The following COL24A1 variants were observed in gnomAD, a reference collection of about 807,000 sequenced individuals.
COL24A1 encodes collagen alpha-1(XXIV) chain.
COL24A1 carries 224 observed loss-of-function variants against 253.9 expected under a neutral mutation model. That is an observed-to-expected ratio of 0.88 (90% CI 0.79 to 0.99). The LOEUF (loss-of-function observed/expected upper bound fraction) is 0.99, where lower values mean the gene tolerates loss of function less well. Among genes scored for constraint, COL24A1 ranks in the 50% least tolerant of loss-of-function variants. The pLI is 0.00. For synonymous variants in COL24A1, 685 were observed against 673.7 expected (o/e 1.02, Z -0.26); for missense variants, 2,131 against 2,068.5 (o/e 1.03, Z -0.59).
chr1:85,843,896 A>T (rs774705123), intron 39 of COL24A1, among the ~76,000 whole-genome samples: 4 of 152,174 alleles, frequency 2.6e-5, no homozygotes, highest in Non-Finnish European at 4.4e-5. Context: ...AGAAAAAATG[A>T]ACCTTAATGT....
chr1:86,119,598 A>G (rs1199677261), intron 3 of COL24A1, among the ~76,000 whole-genome samples: 3 of 152,182 alleles, frequency 2.0e-5, no homozygotes, highest in Admixed American at 1.3e-4. Flanking sequence ...TGAACATGAG[A>G]CGACACATGC....
At chr1:85,889,488 C>T in intron 32 of COL24A1, 72 bp downstream of exon 32, 2 of 1,287,446 alleles carry the variant, frequency 1.6e-6, no homozygotes, top group South Asian at 1.2e-5. Context: ...CACAGCACAG[C>T]AGAGCAATAA....
intron 37 of COL24A1, among the ~76,000 whole-genome samples, chr1:85,859,760 C>A (rs770235482): frequency 4.6e-5 from 7 of 152,150 alleles, no homozygotes; most frequent in Non-Finnish European, 1.0e-4. Flanking sequence ...GTTTGCAGGG[C>A]ATATAGGAAA....
intron 8 of COL24A1, among the ~76,000 whole-genome samples, chr1:86,059,989 A>G (rs374793651): frequency 6.6e-5 from 10 of 152,196 alleles, no homozygotes; most frequent in African/African-American, 1.4e-4. Context: ...GTTGTTTATA[A>G]GCCACCCAGT....
chr1:85,841,920 A>G, intron 41 of COL24A1, 148 bp downstream of exon 41: 3 of 615,680 alleles, frequency 4.9e-6, no homozygotes, highest in Non-Finnish European at 8.6e-6. Flanking sequence ...GCTCCTTGAT[A>G]TTTATTTTTT....
At chr1:85,937,969 A>G (rs1297560833) in intron 24 of COL24A1, among the ~76,000 whole-genome samples, 2 of 147,506 alleles carry the variant, frequency 1.4e-5, no homozygotes, top group Non-Finnish European at 3.0e-5. Context: ...TTATGCAAAC[A>G]GTGCAGAAGT....
At chr1:85,869,666 C>G (rs566463839) in intron 35 of COL24A1, among the ~76,000 whole-genome samples, 1 of 152,100 alleles carries the variant, frequency 6.6e-6, no homozygotes, top group African/African-American at 2.4e-5. Flanking sequence ...TTGTCACCAC[C>G]AGGCCTGCCC....
intron 37 of COL24A1, among the ~76,000 whole-genome samples, chr1:85,859,162 C>A (rs1025431122): frequency 2.0e-5 from 3 of 152,064 alleles, no homozygotes; most frequent in African/African-American, 7.2e-5. Flanking sequence ...TTGTTCACTG[C>A]TGTAACATTA....
chr1:85,869,927 A>C (rs1680245682), intron 35 of COL24A1, among the ~76,000 whole-genome samples: 1 of 152,212 alleles, frequency 6.6e-6, no homozygotes. Context: ...GTCAAGACCC[A>C]TCAGTGTGCT....
At chr1:85,739,712 C>A (rs768509738) in intron 57 of COL24A1, among the ~76,000 whole-genome samples, 2 of 152,100 alleles carry the variant, frequency 1.3e-5, no homozygotes, top group Non-Finnish European at 2.9e-5. Context: ...GATTTTAAAG[C>A]CACATAGATG....
chr1:86,063,773 A>G lies in COL24A1; in HGVS notation c.1708-14T>C. On this transcript the variant is annotated splice_polypyrimidine_tract_variant and intron_variant, in intron 7 of 59. Transcript: ENST00000370571. The stretch of plus-strand genomic sequence containing the variant: ...TCCTTTGAGACCCTGTAAAAGAATA[A>G]GTGGAGACATGCTATGAAAAGTAAA... 1 of 1,518,924 alleles carries G rather than the reference A, an allele frequency of 6.6e-7. No individual in the cohort carries two copies. Among genetic ancestry groups the G allele is most frequent in the Non-Finnish European group, 8.8e-7 (1 of 1,132,738 alleles). The allele number at this position is 1,518,924 out of a possible 1,614,324, so 94.1% of individuals were successfully genotyped here.
At chr1:85,874,611 G>T (rs780730753) in intron 35 of COL24A1, 38 bp downstream of exon 35, 45 of 1,584,698 alleles carry the variant, frequency 2.8e-5, no homozygotes, top group Non-Finnish European at 3.7e-5. Flanking sequence ...TGAAAGAAGT[G>T]GGTTAGTGTA....
chr1:85,761,368 A>C (rs752714421), intron 55 of COL24A1, 28 bp downstream of exon 55: 1 of 1,613,340 alleles, frequency 6.2e-7, no homozygotes, highest in Non-Finnish European at 8.5e-7. Context: ...AAGATAAAAC[A>C]AAACAAAATC....
intron 5 of COL24A1, among the ~76,000 whole-genome samples, chr1:86,111,442 T>C (rs115268857): frequency 0.14 from 21,403 of 151,938 alleles, 1,661 homozygotes; most frequent in South Asian, 0.24. Flanking sequence ...ACTCAGTGTA[T>C]AGCTCAGGGA....
At chr1:86,014,776 T>C (rs551332665) in intron 19 of COL24A1, among the ~76,000 whole-genome samples, 2 of 152,152 alleles carry the variant, frequency 1.3e-5, no homozygotes, top group South Asian at 2.1e-4. Flanking sequence ...AGCTATCCTT[T>C]CCTTTCTATT....
intron 43 of COL24A1, among the ~76,000 whole-genome samples, chr1:85,837,679 T>C (rs1676158243): frequency 6.6e-6 from 1 of 152,146 alleles, no homozygotes; most frequent in Admixed American, 6.5e-5. Flanking sequence ...TTGTACTGAA[T>C]GACTTAAATA....
intron 12 of COL24A1, among the ~76,000 whole-genome samples, chr1:86,038,633 A>G (rs529727684): frequency 9.6e-4 from 146 of 152,238 alleles, no homozygotes; most frequent in African/African-American, 3.4e-3. Context: ...AAGAATATAG[A>G]AGTGACAATG....
At chr1:85,956,616 T>G (rs1000731154) in intron 24 of COL24A1, among the ~76,000 whole-genome samples, 2 of 152,188 alleles carry the variant, frequency 1.3e-5, no homozygotes, top group Non-Finnish European at 2.9e-5. Context: ...TACTGGACAA[T>G]CATCTGAAAA....
At chr1:85,734,420 C>A (rs1221446167) in intron 59 of COL24A1, among the ~76,000 whole-genome samples, 1 of 152,186 alleles carries the variant, frequency 6.6e-6, no homozygotes, top group African/African-American at 2.4e-5. Flanking sequence ...AATACACTAT[C>A]TATTTATCAT....
Sources: allele counts gnomAD v4.1 joint callset (sites outside exome capture counted in the v4.1 genomes callset), GRCh38; gene constraint gnomAD v4.1.1; transcripts MANE v1.5; gene names NCBI Gene and HGNC (gene_info 2026-07-23, HGNC 2026-07-21).